Variants in DENND2A observed in about 807,000 individuals in gnomAD.
DENND2A encodes DENN domain-containing protein 2A.
In DENND2A, 53 loss-of-function variants were observed where a neutral mutation model predicts 105.3. That is an observed-to-expected ratio of 0.50 (90% CI 0.40 to 0.63). The LOEUF (loss-of-function observed/expected upper bound fraction) is 0.63. Among genes scored for constraint, DENND2A ranks in the 30% least tolerant of loss-of-function variants. The pLI is 0.00. For synonymous variants in DENND2A, 522 were observed against 508.4 expected, an observed-to-expected ratio of 1.03 and a Z score of -0.36; for missense variants, 1,138 against 1,279.6, an observed-to-expected ratio of 0.89 and a Z score of 1.69.
intron 14 of DENND2A, among the ~76,000 whole-genome samples, chr7:140,528,144 T>G (rs928554461): frequency 2.6e-5 from 4 of 152,056 alleles, no homozygotes; most frequent in African/African-American, 7.2e-5. Context: ...CCTGGACTCT[T>G]GTAAGGTTTT....
chr7:140,518,824 G>A (rs765303644), intron 19 of DENND2A, 86 bp from the exon 20 acceptor site: 101 of 1,395,272 alleles, frequency 7.2e-5, no homozygotes, highest in Admixed American at 4.5e-4. Context: ...GAAGTGGTGC[G>A]GGTAACGGGG....
intron 6 of DENND2A, 56 bp downstream of exon 6, chr7:140,573,752 C>T: frequency 1.3e-6 from 2 of 1,571,986 alleles, no homozygotes; most frequent in South Asian, 1.2e-5. Context: ...CTGCAGTCTT[C>T]TTTCACAGAG....
At chr7:140,529,958 CA>C (rs1396549595) in intron 14 of DENND2A, among the ~76,000 whole-genome samples, 1 of 151,414 alleles carries the variant, frequency 6.6e-6, no homozygotes, top group East Asian at 1.9e-4. Context: ...CAAAACAAAA[CA>C]ACAACAACAA....
chr7:140,613,412 C>T (rs1308857752), intron 1 of DENND2A, among the ~76,000 whole-genome samples: 1 of 149,176 alleles, frequency 6.7e-6, no homozygotes, highest in Non-Finnish European at 1.5e-5. Context: ...TGGTGGTGTG[C>T]ACCTGTAGTC....
chr7:140,551,074 G>A (rs893764512), intron 12 of DENND2A, among the ~76,000 whole-genome samples: 12 of 151,736 alleles, frequency 7.9e-5, no homozygotes, highest in Non-Finnish European at 1.8e-4. Context: ...GCCGAGGCAA[G>A]CAGATCACCT....
intron 1 of DENND2A, among the ~76,000 whole-genome samples, chr7:140,609,035 C>T (rs1425480986): frequency 6.6e-6 from 1 of 152,180 alleles, no homozygotes; most frequent in Non-Finnish European, 1.5e-5. Flanking sequence ...GGCTTCATGA[C>T]AGCTTGAGTT....
chr7:140,580,945 T>C (rs1798517336), intron 5 of DENND2A, among the ~76,000 whole-genome samples: 1 of 151,590 alleles, frequency 6.6e-6, no homozygotes, highest in Non-Finnish European at 1.5e-5. Context: ...CCACCCAGCT[T>C]GTTATTTTTA....
chr7:140,616,529 C>T (rs898034882), intron 1 of DENND2A, among the ~76,000 whole-genome samples: 1 of 152,032 alleles, frequency 6.6e-6, no homozygotes, highest in Non-Finnish European at 1.5e-5. Flanking sequence ...TGTTACACAA[C>T]ACAGTCAGTA....
chr7:140,616,960 C>T (rs1402735243), intron 1 of DENND2A, among the ~76,000 whole-genome samples: 1 of 152,160 alleles, frequency 6.6e-6, no homozygotes, highest in Non-Finnish European at 1.5e-5. Flanking sequence ...CGGGTTCAAG[C>T]GATTCTTGTG....
In DENND2A at chr7:140,523,674, T is replaced by G. The variant is rs1795942999; in HGVS notation, c.2548-250A>C. Among the ~76,000 whole-genome samples the G allele has an allele frequency of 6.6e-6, 1 of 152,088 alleles. No individual in the cohort carries two copies. Among genetic ancestry groups the G allele is most frequent in the Non-Finnish European group, 1.5e-5 (1 of 68,002 alleles). On this transcript the variant is annotated intron_variant, in intron 16 of 19. Coordinates refer to ENST00000496613, the MANE Select transcript of DENND2A (RefSeq NM_015689.5). This position sits in a 1 kb window ranked among gnomAD's most constrained non-coding sequence, Gnocchi z 4.5. The stretch of plus-strand genomic sequence containing the variant: ...CTCACTGCAACCTCTGCCTCCCGGA[T>G]TCAAGCAATTCTGCCTCAGCCTCCC...
chr7:140,539,115 C>T (rs75737822), intron 14 of DENND2A, among the ~76,000 whole-genome samples: 6,901 of 152,308 alleles, frequency 0.045, 506 homozygotes, highest in African/African-American at 0.15. Flanking sequence ...TGAGCAACTG[C>T]GCTTGGCCTA....
intron 16 of DENND2A, among the ~76,000 whole-genome samples, chr7:140,524,281 C>T (rs756926839): frequency 3.9e-5 from 6 of 152,186 alleles, no homozygotes; most frequent in Non-Finnish European, 7.3e-5. Flanking sequence ...TCTGTAATTA[C>T]TATAATTACT....
chr7:140,582,858 T>C (rs1476017843), intron 5 of DENND2A, among the ~76,000 whole-genome samples: 1 of 152,246 alleles, frequency 6.6e-6, no homozygotes, highest in Non-Finnish European at 1.5e-5. Flanking sequence ...CCACTAAATA[T>C]TGTAGAACTG....
chr7:140,632,859 C>G (rs2130739966), intron 1 of DENND2A, among the ~76,000 whole-genome samples: 1 of 144,556 alleles, frequency 6.9e-6, no homozygotes, highest in East Asian at 2.0e-4. Context: ...GCCACCATGC[C>G]TGGCCTTTTT....
At chr7:140,617,958 A>G (rs947116404) in intron 1 of DENND2A, among the ~76,000 whole-genome samples, 3 of 152,230 alleles carry the variant, frequency 2.0e-5, no homozygotes, top group African/African-American at 7.2e-5. Flanking sequence ...TGGCTAGCTT[A>G]GTAGTTTAGA....
At chr7:140,532,405 G>A (rs1242723062) in intron 14 of DENND2A, among the ~76,000 whole-genome samples, 1 of 152,178 alleles carries the variant, frequency 6.6e-6, no homozygotes, top group African/African-American at 2.4e-5. Flanking sequence ...AAGATCCATG[G>A]TCCATTTCCC....
At chr7:140,525,852 C>A in intron 15 of DENND2A, 60 bp from the exon 16 acceptor site, 1 of 1,419,050 alleles carries the variant, frequency 7.0e-7, no homozygotes, top group South Asian at 1.4e-5. Flanking sequence ...TAGGGATGGA[C>A]TCATAGCCTT....
chr7:140,605,236 G>A (rs1320052917), intron 2 of DENND2A, among the ~76,000 whole-genome samples: 1 of 152,198 alleles, frequency 6.6e-6, no homozygotes, highest in East Asian at 1.9e-4. Context: ...CCAGACTGGG[G>A]TGCAGAGCTA....
At chr7:140,634,939 G>A (rs1206965112) in intron 1 of DENND2A, among the ~76,000 whole-genome samples, 1 of 150,040 alleles carries the variant, frequency 6.7e-6, no homozygotes, top group Non-Finnish European at 1.5e-5. Flanking sequence ...TCCAGCCTGT[G>A]TGACAGAGCA....
Sources: gnomAD v4.1 joint callset for allele counts (sites outside exome capture counted in the v4.1 genomes callset) on GRCh38, gnomAD v4.1.1 for gene constraint, Gnocchi (gnomAD v3.1) non-coding constraint, MANE v1.5 for transcripts, NCBI Gene and HGNC (gene_info 2026-07-23, HGNC 2026-07-21) for gene names.